The following ARHGAP40 variants were observed in gnomAD, a reference collection of about 807,000 sequenced individuals.
The protein encoded by ARHGAP40 is rho GTPase-activating protein 40.
A neutral mutation model predicts 73.5 loss-of-function variants in ARHGAP40; 43 were observed. That is an observed-to-expected ratio of 0.58 (90% confidence interval 0.46 to 0.75). The LOEUF (loss-of-function observed/expected upper bound fraction) is 0.75. ARHGAP40 is among the 30% of genes least tolerant of loss of function. The pLI is 0.00. For missense variants in ARHGAP40, 734 were observed against 861.8 expected, an observed-to-expected ratio of 0.85 and a Z score of 1.86; for synonymous variants, 300 against 352.8, an observed-to-expected ratio of 0.85 and a Z score of 1.68.
At chr20:38,648,847 G>C (rs1348952336) in intron 14 of ARHGAP40, 149 bp downstream of exon 14, 1 of 533,838 alleles carries the variant, frequency 1.9e-6, no homozygotes, top group Non-Finnish European at 3.1e-6. Flanking sequence ...AAACCAGGTG[G>C]AGTCCTGCTG....
exon 4 of ARHGAP40, chr20:38,628,997 C>G: frequency 7.7e-7 from 1 of 1,304,894 alleles, no homozygotes; most frequent in Non-Finnish European, 1.0e-6. Context: ...TCTAAGTTTC[C>G]TCCAGGTAAG....
At chr20:38,604,137 C>G (rs1424856501) in intron 1 of ARHGAP40, among the ~76,000 whole-genome samples, 3 of 152,196 alleles carry the variant, frequency 2.0e-5, no homozygotes, top group African/African-American at 7.2e-5. Context: ...GTCCATCCAT[C>G]TATCTACCTA....
chr20:38,617,220 G>A (rs993421098), intron 1 of ARHGAP40, among the ~76,000 whole-genome samples: 2 of 152,172 alleles, frequency 1.3e-5, no homozygotes, highest in African/African-American at 4.8e-5. Context: ...CCGATGGCCC[G>A]CATTCTTGCT....
chr20:38,648,065 G>A (rs2089065205), intron 13 of ARHGAP40, among the ~76,000 whole-genome samples: 1 of 152,168 alleles, frequency 6.6e-6, no homozygotes, highest in Admixed American at 6.5e-5. Context: ...ATTGGCACAA[G>A]GGACCCTCAG....
intron 9 of ARHGAP40, among the ~76,000 whole-genome samples, chr20:38,639,617 G>A (rs1310533813): frequency 6.6e-6 from 1 of 152,278 alleles, no homozygotes; most frequent in Non-Finnish European, 1.5e-5. Context: ...GCAGGTGTGT[G>A]AGGAGAGGAG....
chr20:38,622,556 T>C (rs1349575362), intron 1 of ARHGAP40, among the ~76,000 whole-genome samples: 4 of 151,988 alleles, frequency 2.6e-5, no homozygotes, highest in African/African-American at 9.7e-5. Context: ...ATTCATTGAG[T>C]GTAGCTTGGG....
At position 38,643,779 on chromosome 20, in the gene ARHGAP40, GT is replaced by G. The variant is rs1568612064; in HGVS notation, c.1439del (p.Val480GlyfsTer34). ...GATGACTCTGAGGAATGTTTCCACC[GT>G]GATGGCCCCTAACCTCTTTCTGCAC... On this transcript the variant is annotated frameshift_variant, in exon 11 of 15. Coordinates refer to ENST00000373345, the Ensembl canonical transcript of ARHGAP40. LOFTEE classifies it high-confidence loss of function. 6 of 1,305,850 alleles carry G rather than the reference GT, an allele frequency of 4.6e-6. No homozygotes were observed. The highest frequency in any genetic ancestry group is 6.1e-6 in the Non-Finnish European group (6 of 989,054). The allele number at this position is 1,305,850 out of a possible 1,614,324, so 80.9% of individuals were successfully genotyped here.
chr20:38,622,197 T>A (rs2088877250), intron 1 of ARHGAP40, among the ~76,000 whole-genome samples: 1 of 152,210 alleles, frequency 6.6e-6, no homozygotes, highest in East Asian at 1.9e-4. Flanking sequence ...TCAAACCACC[T>A]ATGTTTATTG....
chr20:38,606,869 A>G lies in ARHGAP40; in HGVS notation c.137+4790A>G, dbSNP rs112218518. Among the ~76,000 whole-genome samples the G allele has an allele frequency of 6.6e-5, 10 of 152,304 alleles. 1 individual carries two copies. Among genetic ancestry groups the G allele is most frequent in the African/African-American group, 2.4e-4 (10 of 41,558 alleles). ...CAACCACTGAATAAATCACCTACAC[A>G]TGGTTTAAATATGTCAGGGGTAGAA... On this transcript the variant is annotated intron_variant, in intron 1 of 14. Transcript: ENST00000373345.
intron 1 of ARHGAP40, among the ~76,000 whole-genome samples, chr20:38,619,107 G>A (rs2088860013): frequency 6.6e-6 from 1 of 152,320 alleles, no homozygotes; most frequent in East Asian, 1.9e-4. Context: ...GAGAAAGGTT[G>A]TATTTGAGGA....
chr20:38,634,547 G>C lies in ARHGAP40; in HGVS notation c.784-73G>C, dbSNP rs897180518. ...TCCTTCTGCCTAAATGCCCTGGGGA[G>C]AAGGGGGAGCCCCAAAATACACATC... On this transcript the variant is annotated intron_variant, in intron 5 of 14. Coordinates refer to ENST00000373345, the Ensembl canonical transcript of ARHGAP40. The C allele has an allele frequency of 2.5e-5, 32 of 1,260,608 alleles. No homozygotes were observed. In the African/African-American group the frequency reaches 4.9e-4, roughly 19 times the overall value. The allele number at this position is 1,260,608 out of a possible 1,614,324, so 78.1% of individuals were successfully genotyped here. A position where few individuals can be genotyped will look rare whatever the true frequency, so the allele number is the denominator to read the frequency against.
chr20:38,647,235 T>A, intron 13 of ARHGAP40, 109 bp downstream of exon 13: 1 of 1,022,984 alleles, frequency 9.8e-7, no homozygotes, highest in Non-Finnish European at 1.3e-6. Flanking sequence ...TGACCTGGCC[T>A]TCCCTTTCTG....
At chr20:38,612,462 T>G (rs1044507482) in intron 1 of ARHGAP40, among the ~76,000 whole-genome samples, 5 of 152,138 alleles carry the variant, frequency 3.3e-5, no homozygotes, top group African/African-American at 1.2e-4. Flanking sequence ...TCACTTGAGG[T>G]TGGGAGCTTG....
At chr20:38,618,587 G>A (rs1198980238) in intron 1 of ARHGAP40, among the ~76,000 whole-genome samples, 1 of 152,136 alleles carries the variant, frequency 6.6e-6, no homozygotes, top group African/African-American at 2.4e-5. Context: ...AATGGCTGCG[G>A]GTGACTTCAT....
intron 1 of ARHGAP40, among the ~76,000 whole-genome samples, chr20:38,621,233 A>C (rs770532381): frequency 1.3e-5 from 2 of 152,160 alleles, no homozygotes; most frequent in Non-Finnish European, 2.9e-5. Flanking sequence ...ATCCAATAAA[A>C]TAGTCCTTTT....
At chr20:38,647,928 C>T (rs1232966374) in intron 13 of ARHGAP40, among the ~76,000 whole-genome samples, 2 of 152,192 alleles carry the variant, frequency 1.3e-5, no homozygotes, top group Admixed American at 1.3e-4. Context: ...GAAAACTGCA[C>T]AGTAAAGGTC....
At chr20:38,611,413 CT>C (rs11482396) in intron 1 of ARHGAP40, among the ~76,000 whole-genome samples, 1,263 of 118,308 alleles carry the variant, frequency 0.011, 16 homozygotes, top group Non-Finnish European at 0.016. Flanking sequence ...CTATTTAAAA[CT>C]TTTTTTTTTT....
intron 5 of ARHGAP40, among the ~76,000 whole-genome samples, chr20:38,633,732 C>G (rs2088955874): frequency 1.3e-5 from 2 of 152,236 alleles, no homozygotes; most frequent in African/African-American, 4.8e-5. Context: ...GCTGAGCAAG[C>G]CTGGCCCTCC....
chr20:38,639,199 TG>T (rs745764745), intron 8 of ARHGAP40, 27 bp from the exon 9 acceptor site: 8 of 1,303,376 alleles, frequency 6.1e-6, no homozygotes, highest in Non-Finnish European at 8.1e-6. Context: ...CTGGGCCAAC[TG>T]TGTTTTCATG....
Sources: allele counts gnomAD v4.1 joint callset (sites outside exome capture counted in the v4.1 genomes callset), GRCh38; gene constraint gnomAD v4.1.1; transcripts MANE v1.5; gene names NCBI Gene and HGNC (gene_info 2026-07-23, HGNC 2026-07-21).